GSDMC: variants seen among roughly 807,000 people sequenced by gnomAD.
The protein encoded by GSDMC is gasdermin-C.
GSDMC carries 59 observed loss-of-function variants against 58.0 expected under a neutral mutation model. That is an observed-to-expected ratio of 1.02 (90% CI 0.82 to 1.26). The LOEUF is 1.26. Among genes scored for constraint, GSDMC ranks in the 50% most tolerant of loss-of-function variants. The probability of loss-of-function intolerance (pLI) is 0.00; values close to 1 mark genes in which losing one functional copy is unlikely to be tolerated. For missense variants in GSDMC, 659 were observed against 598.5 expected, an observed-to-expected ratio of 1.10 and a Z score of -1.06; for synonymous variants, 241 against 220.2, an observed-to-expected ratio of 1.09 and a Z score of -0.83.
chr8:129,747,788 CTG>C (rs2033000907), downstream of GSDMC, among the ~76,000 whole-genome samples: 1 of 152,102 alleles, frequency 6.6e-6, no homozygotes, highest in Non-Finnish European at 1.5e-5. Flanking sequence ...GTCGGCTGGA[CTG>C]TGTTGATTGG....
At chr8:129,770,156 G>A (rs1227615042) in intron 3 of GSDMC, among the ~76,000 whole-genome samples, 1 of 152,148 alleles carries the variant, frequency 6.6e-6, no homozygotes, top group Non-Finnish European at 1.5e-5. Context: ...ATGAGGGGAA[G>A]AAGTAAAGCT....
the GSDMC span, among the ~76,000 whole-genome samples, chr8:129,716,127 G>C: frequency 6.6e-6 from 1 of 152,104 alleles, no homozygotes; most frequent in Non-Finnish European, 1.5e-5. Context: ...TTTTTAAAAA[G>C]TGGCAAGATG....
At chr8:129,750,990 G>A (rs73406807) in intron 10 of GSDMC, among the ~76,000 whole-genome samples, 16,161 of 152,076 alleles carry the variant, frequency 0.11, 1,351 homozygotes, top group African/African-American at 0.22. Flanking sequence ...AGTTTATGTA[G>A]GCCAAGCATG....
chr8:129,771,111 A>G (rs2130509490), intron 3 of GSDMC, among the ~76,000 whole-genome samples: 1 of 151,616 alleles, frequency 6.6e-6, no homozygotes, highest in East Asian at 1.9e-4. Flanking sequence ...GAAGAATGCC[A>G]TTATATAATG....
rs780929929 is a variant in GSDMC at position 129,751,557 on chromosome 8, CCTCTATT to C, written c.921_927del (p.Ile308AsnfsTer18). The C allele has an allele frequency of 1.9e-6, 3 of 1,612,298 alleles. No homozygotes were observed. Among genetic ancestry groups the C allele is most frequent in the Non-Finnish European group, 2.5e-6 (3 of 1,178,824 alleles). On this transcript the variant is annotated frameshift_variant, in exon 10 of 14. Transcript: ENST00000276708. LOFTEE classifies it high-confidence loss of function. ...AAATACTTACTTTGCCAGAAGGGTT[CCTCTATT>C]CTTCCTAGAAGGAGAATCAAGTCAT...
intron 6 of GSDMC, among the ~76,000 whole-genome samples, chr8:129,758,241 C>T (rs1412592496): frequency 6.6e-6 from 1 of 152,118 alleles, no homozygotes; most frequent in African/African-American, 2.4e-5. Context: ...CCATATATGA[C>T]AGAGCCACAG....
At chr8:129,713,811 C>T in the GSDMC span, among the ~76,000 whole-genome samples, 1 of 152,066 alleles carries the variant, frequency 6.6e-6, no homozygotes, top group Non-Finnish European at 1.5e-5. Context: ...TCCCAACCAC[C>T]CTTTAATTTA....
At chr8:129,710,887 G>A in the GSDMC span, among the ~76,000 whole-genome samples, 76 of 152,290 alleles carry the variant, frequency 5.0e-4, 1 homozygote, top group East Asian at 0.01. Flanking sequence ...AGGGTCACAA[G>A]TTTGAGGCCC....
At chr8:129,785,327 G>A (rs534580585) in intron 1 of GSDMC, among the ~76,000 whole-genome samples, 1 of 151,242 alleles carries the variant, frequency 6.6e-6, no homozygotes, top group South Asian at 2.1e-4. Context: ...ATTTATGAAA[G>A]CTAAAAATTA....
chr8:129,779,047 T>A (rs989693541), intron 1 of GSDMC, among the ~76,000 whole-genome samples: 4 of 152,196 alleles, frequency 2.6e-5, no homozygotes, highest in Non-Finnish European at 5.9e-5. Flanking sequence ...GAAAAACAGT[T>A]TGGTGATTCC....
intron 6 of GSDMC, 123 bp from the exon 7 acceptor site, chr8:129,752,943 GA>G (rs530852107): frequency 4.7e-5 from 69 of 1,475,766 alleles, no homozygotes; most frequent in Middle Eastern, 2.3e-4. Flanking sequence ...GGGAGCATTT[GA>G]ACAAGACCCA....
the GSDMC span, among the ~76,000 whole-genome samples, chr8:129,735,320 C>T: frequency 6.6e-6 from 1 of 152,202 alleles, no homozygotes; most frequent in Non-Finnish European, 1.5e-5. Context: ...TAGACATCTA[C>T]AGAACTCTCC....
the GSDMC span, among the ~76,000 whole-genome samples, chr8:129,736,171 A>T: frequency 6.6e-6 from 1 of 152,222 alleles, no homozygotes; most frequent in Non-Finnish European, 1.5e-5. Flanking sequence ...AACCAAAAAA[A>T]GTCCAGGACC....
the GSDMC span, among the ~76,000 whole-genome samples, chr8:129,707,981 C>T: frequency 6.6e-6 from 1 of 152,138 alleles, no homozygotes; most frequent in African/African-American, 2.4e-5. Context: ...TCCCAGGCAT[C>T]GTGAGTCCAC....
chr8:129,730,704 A>T, the GSDMC span, among the ~76,000 whole-genome samples: 1 of 152,224 alleles, frequency 6.6e-6, no homozygotes, highest in Non-Finnish European at 1.5e-5. Context: ...TACATATAAC[A>T]TTAGCAACAC....
chr8:129,730,305 A>G, the GSDMC span: 3 of 1,369,438 alleles, frequency 2.2e-6, no homozygotes, highest in African/African-American at 2.9e-5. Flanking sequence ...GAACCAGGTC[A>G]CAGATCACAG....
In GSDMC at chr8:129,752,749, T is replaced by A. The variant is rs1245908403; in HGVS notation, c.793A>T (p.Ile265Phe). The A allele has an allele frequency of 1.2e-6, 2 of 1,614,146 alleles. No individual in the cohort carries two copies. Among genetic ancestry groups the A allele is most frequent in the African/African-American group, 2.7e-5 (2 of 75,028 alleles). ...GAGGCATTGAAGAGGGTTGGAGAGA[T>A]GGTATGAAATGATGGTAGCAACCCC... ...SEGLLPSFHT[I>F]SPTLFNASSN... Residue 265 changes from isoleucine (I) to phenylalanine (F), a missense_variant, in exon 7 of 14, where the codon ATC (isoleucine) becomes TTC (phenylalanine). Coordinates refer to ENST00000276708, the MANE Select transcript of GSDMC (RefSeq NM_031415.3).
At chr8:129,726,843 C>A in the GSDMC span, among the ~76,000 whole-genome samples, 24 of 145,100 alleles carry the variant, frequency 1.7e-4, no homozygotes, top group African/African-American at 5.3e-4. Context: ...AAATGTGTTT[C>A]TCTGGCCCAG....
the GSDMC span, among the ~76,000 whole-genome samples, chr8:129,727,201 G>A: frequency 2.0e-5 from 3 of 152,248 alleles, no homozygotes; most frequent in Admixed American, 6.5e-5. Context: ...CATGACTTAC[G>A]ATGGACATAT....
Sources: gnomAD v4.1 joint callset for allele counts (sites outside exome capture counted in the v4.1 genomes callset) on GRCh38, gnomAD v4.1.1 for gene constraint, MANE v1.5 for transcripts, NCBI Gene and HGNC (gene_info 2026-07-23, HGNC 2026-07-21) for gene names.